The following SNTG2 variants were observed in gnomAD, a reference collection of about 807,000 sequenced individuals.
SNTG2 encodes syntrophin gamma 2, also known as gamma-2-syntrophin.
Under a neutral mutation model 70.9 loss-of-function variants are expected in SNTG2, and 74 were observed. The ratio of observed to expected loss-of-function variants is 1.04; its 90% confidence interval spans 0.86 to 1.27. The LOEUF (loss-of-function observed/expected upper bound fraction) is 1.27. Among genes scored for constraint, SNTG2 ranks in the 50% most tolerant of loss-of-function variants. The pLI is 0.00. For synonymous variants in SNTG2, 278 were observed against 273.8 expected (o/e 1.02, Z -0.15); for missense variants, 717 against 690.7 (o/e 1.04, Z -0.43).
chr2:971,597 G>C (rs1359990995), intron 1 of SNTG2, among the ~76,000 whole-genome samples: 3 of 151,668 alleles, frequency 2.0e-5, no homozygotes, highest in African/African-American at 7.3e-5. Flanking sequence ...TTTTTTTAAA[G>C]AGCAAATTTG....
intron 4 of SNTG2, among the ~76,000 whole-genome samples, chr2:1,135,652 G>T (rs1023040476): frequency 2.6e-5 from 4 of 152,204 alleles, no homozygotes; most frequent in African/African-American, 9.6e-5. Context: ...AACCCAGGAG[G>T]CAGAGGTTGC....
intron 7 of SNTG2, among the ~76,000 whole-genome samples, chr2:1,170,539 C>T (rs1487988796): frequency 6.6e-6 from 1 of 152,128 alleles, no homozygotes; most frequent in Admixed American, 6.5e-5. Flanking sequence ...TGAGGATCTC[C>T]GTCTGCGCCG....
At chr2:1,170,153 A>C (rs1308900881) in intron 7 of SNTG2, among the ~76,000 whole-genome samples, 1 of 138,982 alleles carries the variant, frequency 7.2e-6, no homozygotes, top group Non-Finnish European at 1.6e-5. Context: ...TTTATCAAAG[A>C]GAAAATAAAC....
At chr2:1,365,574 G>A (rs1196762079) in intron 16 of SNTG2, among the ~76,000 whole-genome samples, 1 of 152,076 alleles carries the variant, frequency 6.6e-6, no homozygotes, top group Non-Finnish European at 1.5e-5. Context: ...CTTCCGGCAG[G>A]CTGGCTCGCT....
intron 16 of SNTG2, among the ~76,000 whole-genome samples, chr2:1,337,059 T>A (rs140550834): frequency 6.6e-6 from 1 of 152,172 alleles, no homozygotes; most frequent in Non-Finnish European, 1.5e-5. Flanking sequence ...GTTTCTTTTC[T>A]TTTTTAGGTT....
chr2:1,226,209 ATGGTTATGTC>A (rs1435073472), intron 9 of SNTG2, among the ~76,000 whole-genome samples: 10 of 152,190 alleles, frequency 6.6e-5, no homozygotes, highest in African/African-American at 2.4e-4. Flanking sequence ...GGAAACCTAC[ATGGTTATGTC>A]ATTAGAAAGG....
At chr2:1,126,506 T>G (rs1667706315) in intron 4 of SNTG2, among the ~76,000 whole-genome samples, 1 of 152,244 alleles carries the variant, frequency 6.6e-6, no homozygotes, top group African/African-American at 2.4e-5. Flanking sequence ...AGTGGCAGGT[T>G]TGCCAGAATC....
intron 9 of SNTG2, among the ~76,000 whole-genome samples, chr2:1,223,676 C>T (rs1675528398): frequency 6.6e-6 from 1 of 152,234 alleles, no homozygotes; most frequent in Non-Finnish European, 1.5e-5. Context: ...AATTAATCCC[C>T]AAAGAGGGAG....
chr2:1,215,969 G>A (rs1011141919), intron 9 of SNTG2, among the ~76,000 whole-genome samples: 8 of 152,162 alleles, frequency 5.3e-5, no homozygotes, highest in African/African-American at 1.9e-4. Context: ...GGACATTCGG[G>A]TTGGTTCCAA....
intron 1 of SNTG2, among the ~76,000 whole-genome samples, chr2:1,026,207 A>C (rs1660472142): frequency 6.6e-6 from 1 of 152,180 alleles, no homozygotes; most frequent in Non-Finnish European, 1.5e-5. Context: ...CACCAGATGC[A>C]GACACGTGTC....
At chr2:1,007,513 G>T (rs963370484) in intron 1 of SNTG2, among the ~76,000 whole-genome samples, 13 of 152,170 alleles carry the variant, frequency 8.5e-5, no homozygotes, top group African/African-American at 3.1e-4. Context: ...ACACATTGTT[G>T]TGAAGATTGA....
At chr2:1,253,004 C>T (rs1281641311) in intron 12 of SNTG2, among the ~76,000 whole-genome samples, 1 of 152,148 alleles carries the variant, frequency 6.6e-6, no homozygotes, top group African/African-American at 2.4e-5. Flanking sequence ...CTAAAACAAC[C>T]TTATGTTAAG....
chr2:1,284,298 T>C (rs200507300), intron 14 of SNTG2, among the ~76,000 whole-genome samples: 1 of 152,240 alleles, frequency 6.6e-6, no homozygotes, highest in Admixed American at 6.5e-5. Flanking sequence ...TTGTTTACAT[T>C]GTAACGTTCC....
chr2:954,398 G>A (rs1360474473), intron 1 of SNTG2, among the ~76,000 whole-genome samples: 2 of 152,150 alleles, frequency 1.3e-5, no homozygotes, highest in Non-Finnish European at 2.9e-5. Flanking sequence ...TGTTGAGTGA[G>A]ACACAACAAG....
chr2:962,545 A>G (rs1660386722), intron 1 of SNTG2, among the ~76,000 whole-genome samples: 1 of 152,240 alleles, frequency 6.6e-6, no homozygotes, highest in African/African-American at 2.4e-5. Flanking sequence ...AGCCTCTGCA[A>G]TGCAGAAAAA....
chr2:1,175,868 T>A (rs1235388943), intron 8 of SNTG2, among the ~76,000 whole-genome samples: 1 of 152,208 alleles, frequency 6.6e-6, no homozygotes, highest in Non-Finnish European at 1.5e-5. Context: ...TCAGACAGTC[T>A]TTGTGGCTCT....
chr2:1,115,232 T>C (rs4971382), intron 4 of SNTG2, among the ~76,000 whole-genome samples: 75,659 of 149,580 alleles, frequency 0.51, 19,174 homozygotes, highest in East Asian at 0.58. Context: ...CCCCTATAGT[T>C]CTTTGAGGAG....
chr2:1,261,504 G>A (rs939351012), intron 13 of SNTG2, among the ~76,000 whole-genome samples: 18 of 152,008 alleles, frequency 1.2e-4, no homozygotes, highest in Non-Finnish European at 2.5e-4. Flanking sequence ...CACTCATCAC[G>A]AAATAGATGA....
chr2:1,028,666 A>G (rs1660636177), intron 1 of SNTG2, among the ~76,000 whole-genome samples: 1 of 151,968 alleles, frequency 6.6e-6, no homozygotes, highest in Non-Finnish European at 1.5e-5. Context: ...TGGGTCTTAC[A>G]ACACTGAGTA....
Sources: allele counts gnomAD v4.1 joint callset (sites outside exome capture counted in the v4.1 genomes callset), GRCh38; gene constraint gnomAD v4.1.1; transcripts MANE v1.5; gene names NCBI Gene and HGNC (gene_info 2026-07-23, HGNC 2026-07-21).